OR5V1: variants seen among roughly 807,000 people sequenced by gnomAD.
OR5V1 encodes the protein olfactory receptor family 5 subfamily V member 1.
For synonymous variants in OR5V1, 134 were observed against 143.2 expected (o/e 0.94, Z 0.46); for missense variants, 365 against 371.5 (o/e 0.98, Z 0.14).
At chr6:29,362,525 A>G (rs1369419471) in intron 1 of OR5V1, among the ~76,000 whole-genome samples, 1 of 152,210 alleles carries the variant, frequency 6.6e-6, no homozygotes, top group African/African-American at 2.4e-5. Context: ...AAAATCGACC[A>G]CATAATTGGA....
chr6:29,367,122 C>A (rs1778892078), intron 1 of OR5V1, among the ~76,000 whole-genome samples: 1 of 151,868 alleles, frequency 6.6e-6, no homozygotes, highest in Non-Finnish European at 1.5e-5. Flanking sequence ...TTCAGAATAG[C>A]CTCTTAATTT....
At position 29,356,059 on chromosome 6, in the gene OR5V1, A is replaced by G; in HGVS notation, c.137T>C (p.Ile46Thr). ...FCTLGGNILIILTTVTDPHLH... is the reference protein window; with the variant it reads ...FCTLGGNILITLTTVTDPHLH... ...GTGTGGATCAGTCACAGTCGTCAAG[A>G]TAATTAATATATTTCCTCCCAAAGT... Residue 46 changes from isoleucine to threonine, a missense_variant, in exon 2 of 2, where the codon ATC becomes ACC. By Grantham distance (89) the Ile-to-Thr change is moderately conservative. Coordinates refer to ENST00000641768, the MANE Select transcript of OR5V1 (RefSeq NM_030876.6). The G allele has an allele frequency of 6.2e-7, 1 of 1,613,992 alleles. No homozygotes were observed. Among genetic ancestry groups the G allele is most frequent in the African/African-American group, 1.3e-5 (1 of 75,018 alleles).
intron 1 of OR5V1, among the ~76,000 whole-genome samples, chr6:29,357,485 T>C (rs961568526): frequency 3.9e-5 from 6 of 152,204 alleles, no homozygotes; most frequent in Non-Finnish European, 8.8e-5. Context: ...CTTCTCTTGT[T>C]TTGAATATAA....
At position 29,356,285 on chromosome 6, in the gene OR5V1, A is replaced by G; in HGVS notation, c.-82-8T>C. 2 of 1,419,468 alleles carry G rather than the reference A, an allele frequency of 1.4e-6. No individual in the cohort carries two copies. The highest frequency in any genetic ancestry group is 1.9e-6 in the Non-Finnish European group (2 of 1,057,916). 87.9% of individuals were successfully genotyped at this position (1,419,468 alleles called of 1,614,324 possible). On this transcript the variant is annotated splice_polypyrimidine_tract_variant and splice_region_variant and intron_variant, in intron 1 of 1. Transcript: ENST00000641768. ...ATGCTGCAATAGCATGACCTGAAAAATAAGGGAAAAAACGGTTACAAATAA... is the reference window on the plus strand; with the variant it reads ...ATGCTGCAATAGCATGACCTGAAAAGTAAGGGAAAAAACGGTTACAAATAA...
At chr6:29,365,345 A>C (rs1778799802) in intron 1 of OR5V1, among the ~76,000 whole-genome samples, 1 of 151,598 alleles carries the variant, frequency 6.6e-6, no homozygotes, top group Non-Finnish European at 1.5e-5. Context: ...AAAAAAAAAA[A>C]CTATCATCGG....
intron 1 of OR5V1, among the ~76,000 whole-genome samples, chr6:29,362,737 T>C (rs1455878461): frequency 1.3e-5 from 2 of 152,172 alleles, no homozygotes; most frequent in African/African-American, 4.8e-5. Context: ...ATAATGAAGT[T>C]ATTTGAAACC....
At chr6:29,363,427 G>A (rs1778677813) in intron 1 of OR5V1, among the ~76,000 whole-genome samples, 1 of 152,068 alleles carries the variant, frequency 6.6e-6, no homozygotes, top group Non-Finnish European at 1.5e-5. Flanking sequence ...AAAAAAGAGG[G>A]ACTCCTCTCT....
chr6:29,365,665 C>T (rs778832430), intron 1 of OR5V1, among the ~76,000 whole-genome samples: 2 of 151,930 alleles, frequency 1.3e-5, no homozygotes, highest in African/African-American at 2.4e-5. Flanking sequence ...CAGATGTTGG[C>T]GAGGATGTGG....
intron 1 of OR5V1, 56 bp from the exon 2 acceptor site, chr6:29,356,333 A>C (rs1250378029): frequency 6.1e-6 from 6 of 986,056 alleles, no homozygotes; most frequent in Non-Finnish European, 8.7e-6. Context: ...TTTATGTCAA[A>C]CCAGAGAAGC....
rs1430244168 is a variant in OR5V1 at position 29,355,593 on chromosome 6, G to A, written c.603C>T (p.Ser201=). 1 of 1,613,956 alleles carries A rather than the reference G, an allele frequency of 6.2e-7. No homozygotes were observed. Residue 201 remains serine, a synonymous_variant, in exon 2 of 2, where the codon TCC becomes TCT. Coordinates refer to ENST00000641768, the MANE Select transcript of OR5V1 (RefSeq NM_030876.6). ...NTSVNELALL[S]TGVFIGWTPF... is the part of the protein sequence containing the mutation. ...GAGTCCAACCAATGAAGACCCCAGT[G>A]GATAGCAGTGCCAACTCATTGACAG...
intron 1 of OR5V1, among the ~76,000 whole-genome samples, chr6:29,363,308 T>C (rs1778669666): frequency 6.6e-6 from 1 of 152,124 alleles, no homozygotes; most frequent in Non-Finnish European, 1.5e-5. Flanking sequence ...CAGTAATTAG[T>C]AGCCTAAAAA....
chr6:29,361,820 T>C (rs1202385192), intron 1 of OR5V1, among the ~76,000 whole-genome samples: 1 of 152,134 alleles, frequency 6.6e-6, no homozygotes, highest in African/African-American at 2.4e-5. Flanking sequence ...TACCAGCCAC[T>C]GCAAAAACAC....
intron 1 of OR5V1, 119 bp from the exon 2 acceptor site, chr6:29,356,396 T>C: frequency 1.9e-6 from 1 of 537,724 alleles, no homozygotes; most frequent in Non-Finnish European, 3.2e-6. Context: ...CAGATATAAA[T>C]ACATCCAATG....
chr6:29,357,341 G>A (rs773489814), intron 1 of OR5V1, among the ~76,000 whole-genome samples: 4 of 152,010 alleles, frequency 2.6e-5, no homozygotes, highest in Admixed American at 6.6e-5. Context: ...CAAGATAAAC[G>A]TCTGGAAGAT....
chr6:29,367,421 A>C (rs9391791), intron 1 of OR5V1, among the ~76,000 whole-genome samples: 13,601 of 152,252 alleles, frequency 0.089, 728 homozygotes, highest in Admixed American at 0.12. Context: ...AACTGGGGAC[A>C]CAGTGGTCTT....
chr6:29,356,810 T>C (rs1778333612), intron 1 of OR5V1, among the ~76,000 whole-genome samples: 1 of 152,156 alleles, frequency 6.6e-6, no homozygotes, highest in African/African-American at 2.4e-5. Context: ...ATTTTCCATA[T>C]AGAAATGTTG....
At chr6:29,361,670 A>C (rs2151275885) in intron 1 of OR5V1, among the ~76,000 whole-genome samples, 1 of 152,322 alleles carries the variant, frequency 6.6e-6, no homozygotes, top group Non-Finnish European at 1.5e-5. Context: ...AGAATTTTGC[A>C]TACAGCCAAA....
At chr6:29,361,756 C>T (rs1778576349) in intron 1 of OR5V1, among the ~76,000 whole-genome samples, 1 of 151,990 alleles carries the variant, frequency 6.6e-6, no homozygotes, top group South Asian at 2.1e-4. Context: ...CACCACCAGG[C>T]CTGCTTTACA....
At chr6:29,360,965 A>G (rs1167986952) in intron 1 of OR5V1, among the ~76,000 whole-genome samples, 4 of 152,300 alleles carry the variant, frequency 2.6e-5, no homozygotes, top group East Asian at 1.9e-4. Context: ...TAGGCTTCAG[A>G]AGGTGGGAAA....
Sources: allele counts gnomAD v4.1 joint callset (sites outside exome capture counted in the v4.1 genomes callset), GRCh38; gene constraint gnomAD v4.1.1; transcripts MANE v1.5; gene names NCBI Gene and HGNC (gene_info 2026-07-23, HGNC 2026-07-21).